Variants in LIMCH1 observed in about 807,000 individuals in gnomAD.
LIMCH1 encodes the protein LIM and calponin homology domains-containing protein 1.
A neutral mutation model predicts 176.5 loss-of-function variants in LIMCH1; 113 were observed. That is an observed-to-expected ratio of 0.64 (90% CI 0.55 to 0.75). The LOEUF (loss-of-function observed/expected upper bound fraction) is 0.75, where lower values mean the gene tolerates loss of function less well. LIMCH1 is among the 30% of genes least tolerant of loss of function. The pLI is 0.00. For missense variants in LIMCH1, 1,674 were observed against 1,814.9 expected (o/e 0.92, Z 1.41); for synonymous variants, 619 against 645.9 (o/e 0.96, Z 0.63).
chr4:41,598,477 T>C (rs2089324518), intron 1 of LIMCH1, among the ~76,000 whole-genome samples: 1 of 151,988 alleles, frequency 6.6e-6, no homozygotes, highest in African/African-American at 2.4e-5. Flanking sequence ...AAAGAATATA[T>C]TTTAGAAGAT....
At chr4:41,612,972 C>G in intron 4 of LIMCH1, 1 of 1,543,288 alleles carries the variant, frequency 6.5e-7, no homozygotes, top group Non-Finnish European at 8.8e-7. Flanking sequence ...AGAACTGATT[C>G]TGCAGCAAAG....
At chr4:41,381,041 A>G (rs2055583797) in intron 1 of LIMCH1, among the ~76,000 whole-genome samples, 1 of 152,256 alleles carries the variant, frequency 6.6e-6, no homozygotes, top group Admixed American at 6.5e-5. Context: ...TTATTCATTT[A>G]TTCAATAAAC....
chr4:41,391,702 C>A (rs1030145914), intron 1 of LIMCH1, among the ~76,000 whole-genome samples: 19 of 152,028 alleles, frequency 1.2e-4, no homozygotes, highest in Non-Finnish European at 2.6e-4. Flanking sequence ...TACAAAGTAT[C>A]CAACCAAGCA....
chr4:41,401,988 T>A (rs1239740693), intron 1 of LIMCH1, among the ~76,000 whole-genome samples: 3 of 152,140 alleles, frequency 2.0e-5, no homozygotes, highest in Non-Finnish European at 4.4e-5. Flanking sequence ...ACAGGGACAA[T>A]TTGACTTCCT....
chr4:41,526,011 T>C (rs1297923936), intron 3 of LIMCH1, among the ~76,000 whole-genome samples: 1 of 152,112 alleles, frequency 6.6e-6, no homozygotes, highest in East Asian at 1.9e-4. Flanking sequence ...AAACCTCAAT[T>C]TAAAATGGAA....
chr4:41,535,420 T>TG (rs933379025), upstream of LIMCH1, among the ~76,000 whole-genome samples: 1 of 151,960 alleles, frequency 6.6e-6, no homozygotes, highest in Admixed American at 6.6e-5. Flanking sequence ...GTGATCAGAG[T>TG]GGGTTTGTTC....
chr4:41,538,389 G>A (rs2078190972), intron 1 of LIMCH1, 39 bp downstream of exon 1: 1 of 968,592 alleles, frequency 1.0e-6, no homozygotes, highest in Admixed American at 6.2e-5. Context: ...CATGCTTAGG[G>A]GTATCCATGA....
chr4:41,481,557 A>C (rs2068625855), intron 1 of LIMCH1, among the ~76,000 whole-genome samples: 1 of 152,196 alleles, frequency 6.6e-6, no homozygotes, highest in African/African-American at 2.4e-5. Flanking sequence ...GGCCTGTGGA[A>C]TGGCTGGAGT....
At chr4:41,471,027 C>CT (rs34026751) in intron 1 of LIMCH1, among the ~76,000 whole-genome samples, 30,082 of 131,228 alleles carry the variant, frequency 0.23, 4,807 homozygotes, top group African/African-American at 0.46. Context: ...CAAACTAAGA[C>CT]TTTTTTTTTT....
At position 41,697,188 on chromosome 4, in the gene LIMCH1, C is replaced by G. The variant is rs775848174; in HGVS notation, c.*3C>G. On this transcript the variant is annotated 3_prime_UTR_variant, in exon 32 of 32. Coordinates refer to ENST00000503057, the MANE Select transcript of LIMCH1 (RefSeq NM_001330672.2). ...CCGGGCAGCCTACAACATTGTGACA[C>G]GGCTTTCAAGCTTCCGGATCACTCA... 6.2e-7 allele frequency: 1 copy of G among 1,613,364 alleles called. No individual in the cohort carries two copies. Among genetic ancestry groups the G allele is most frequent in the South Asian group, 1.1e-5 (1 of 90,996 alleles).
intron 1 of LIMCH1, 30 bp downstream of exon 1, chr4:41,538,380 A>C: frequency 2.1e-6 from 2 of 970,352 alleles, no homozygotes; most frequent in East Asian, 1.1e-4. Context: ...AAAGAAATAC[A>C]TGCTTAGGGG....
chr4:41,458,987 TTATATTCAGTTATAAA>T (rs2064973686), intron 1 of LIMCH1, among the ~76,000 whole-genome samples: 1 of 152,136 alleles, frequency 6.6e-6, no homozygotes, highest in Admixed American at 6.5e-5. Flanking sequence ...CTAAGCCTCA[TTATATTCAGTTATAAA>T]ATGGGAAAAA....
intron 1 of LIMCH1, among the ~76,000 whole-genome samples, chr4:41,572,125 G>A (rs921204819): frequency 1.3e-5 from 2 of 152,134 alleles, no homozygotes; most frequent in Admixed American, 6.5e-5. Context: ...AAAAAGAAAC[G>A]TTAGCTGCTG....
intron 7 of LIMCH1, among the ~76,000 whole-genome samples, chr4:41,624,663 G>T (rs1232607092): frequency 6.6e-6 from 1 of 151,972 alleles, no homozygotes; most frequent in Non-Finnish European, 1.5e-5. Context: ...GGACTAACAG[G>T]CTTTTCTGGA....
intron 28 of LIMCH1, among the ~76,000 whole-genome samples, chr4:41,687,466 T>C (rs1405879481): frequency 6.6e-6 from 1 of 152,170 alleles, no homozygotes; most frequent in Non-Finnish European, 1.5e-5. Context: ...ACGGAGTCCA[T>C]CGTTTTTATA....
At chr4:41,501,887 A>C (rs867227831) in intron 2 of LIMCH1, among the ~76,000 whole-genome samples, 1 of 76,140 alleles carries the variant, frequency 1.3e-5, no homozygotes, top group African/African-American at 4.1e-5. Context: ...TTTTTTTTTT[A>C]AAAAAAACCT....
intron 1 of LIMCH1, among the ~76,000 whole-genome samples, chr4:41,419,906 T>C (rs1032688908): frequency 2.0e-5 from 3 of 151,800 alleles, no homozygotes; most frequent in African/African-American, 7.3e-5. Flanking sequence ...TCGAACCAGA[T>C]GGAAAAGTTT....
At position 41,412,222 on chromosome 4, in the gene LIMCH1, G is replaced by A. The variant is rs76452755; in HGVS notation, c.96+51286G>A. On this transcript the variant is annotated intron_variant, in intron 1 of 26. Coordinates refer to the LIMCH1 transcript ENST00000313860. ...AGGTACAAATTGAAGATTTCATATG[G>A]CACTTGGTCTTCCTCATGCCTCTTG... Among the ~76,000 whole-genome samples, 137 of 152,220 alleles carry A rather than the reference G, an allele frequency of 9.0e-4. 3 individuals are homozygous for A. The East Asian group carries it at 0.024, about 26-fold the overall frequency.
intron 1 of LIMCH1, among the ~76,000 whole-genome samples, chr4:41,482,998 A>G (rs1381250507): frequency 6.6e-6 from 1 of 152,180 alleles, no homozygotes; most frequent in Non-Finnish European, 1.5e-5. Context: ...GGATACTCAT[A>G]TAGGAAGTTT....
Sources: gnomAD v4.1 joint callset for allele counts (sites outside exome capture counted in the v4.1 genomes callset) on GRCh38, gnomAD v4.1.1 for gene constraint, MANE v1.5 for transcripts, NCBI Gene and HGNC (gene_info 2026-07-23, HGNC 2026-07-21) for gene names.